KATNBL1: variants seen among roughly 807,000 people sequenced by gnomAD.
The protein encoded by KATNBL1 is katanin regulatory subunit B1 like 1.
KATNBL1 carries 28 observed loss-of-function variants against 44.7 expected under a neutral mutation model. The ratio of observed to expected loss-of-function variants is 0.63; its 90% CI spans 0.46 to 0.86. The LOEUF (loss-of-function observed/expected upper bound fraction) is 0.86. Among genes scored for constraint, KATNBL1 ranks in the 40% least tolerant of loss-of-function variants. KATNBL1 has a pLI of 0.00. For synonymous variants in KATNBL1, 78 were observed against 114.9 expected (o/e 0.68, Z 2.06); for missense variants, 272 against 350.7 (o/e 0.78, Z 1.79).
At chr15:34,193,868 A>G (rs1345244951) in intron 1 of KATNBL1, among the ~76,000 whole-genome samples, 2 of 132,218 alleles carry the variant, frequency 1.5e-5, no homozygotes, top group Non-Finnish European at 1.8e-5. Flanking sequence ...AAAAAAAAAA[A>G]AAAAAAAAAA....
At chr15:34,180,560 G>C (rs1034516876) in intron 1 of KATNBL1, among the ~76,000 whole-genome samples, 2 of 152,106 alleles carry the variant, frequency 1.3e-5, no homozygotes, top group Non-Finnish European at 2.9e-5. Context: ...TCTCGACCCA[G>C]GTCTTCTTTA....
intron 1 of KATNBL1, among the ~76,000 whole-genome samples, chr15:34,186,112 C>T (rs1032954532): frequency 2.6e-5 from 4 of 152,140 alleles, no homozygotes; most frequent in East Asian, 1.9e-4. Context: ...ATTAGTCCCT[C>T]GATCATGGGG....
At chr15:34,160,577 T>TA (rs1567522094) in intron 2 of KATNBL1, among the ~76,000 whole-genome samples, 1 of 152,242 alleles carries the variant, frequency 6.6e-6, no homozygotes, top group Non-Finnish European at 1.5e-5. Flanking sequence ...AAAGCTTTTG[T>TA]AATGTTTTGG....
chr15:34,166,188 G>T, intron 1 of KATNBL1: 1 of 152,402 alleles, frequency 6.6e-6, no homozygotes. Flanking sequence ...CTAGCCAAGG[G>T]AATACATGAC....
At chr15:34,155,099 T>G (rs1037164706) in intron 2 of KATNBL1, among the ~76,000 whole-genome samples, 29 of 152,194 alleles carry the variant, frequency 1.9e-4, no homozygotes, top group African/African-American at 7.0e-4. Context: ...GGGGGTTGTT[T>G]ACTGAAACTA....
In KATNBL1 at chr15:34,152,827, T is replaced by C. The variant is rs1391718744; in HGVS notation, c.401A>G (p.Glu134Gly). ...CCCACTATATTTTGATGATGGGCTTTCTGTCTGTGAAGAACCAGAATCACT... is the reference window on the plus strand; with the variant it reads ...CCCACTATATTTTGATGATGGGCTTCCTGTCTGTGAAGAACCAGAATCACT... ...NSSDSGSSQT[E>G]SPSSKYSGFF... The change falls in exon 4 of 10, where the codon GAA becomes GGA. Residue 134 changes from glutamate to glycine, a missense_variant. By Grantham distance (98) the Glu-to-Gly change is moderately conservative. Coordinates refer to ENST00000256544, the MANE Select transcript of KATNBL1 (RefSeq NM_024713.3). The C allele has an allele frequency of 1.9e-6, 3 of 1,613,570 alleles. No homozygotes were observed. Among genetic ancestry groups the C allele is most frequent in the Non-Finnish European group, 2.5e-6 (3 of 1,179,664 alleles).
At chr15:34,158,094 C>G (rs1462269369) in intron 2 of KATNBL1, among the ~76,000 whole-genome samples, 1 of 152,146 alleles carries the variant, frequency 6.6e-6, no homozygotes, top group Non-Finnish European at 1.5e-5. Flanking sequence ...ATACCTTCCC[C>G]TAAGAGGTGG....
chr15:34,169,108 T>C (rs753713201), intron 1 of KATNBL1, among the ~76,000 whole-genome samples: 12 of 151,816 alleles, frequency 7.9e-5, no homozygotes, highest in Middle Eastern at 3.2e-3. Flanking sequence ...CTGAAGGAGA[T>C]AGAGACACAA....
chr15:34,194,058 T>C (rs2140990847), intron 1 of KATNBL1, among the ~76,000 whole-genome samples: 1 of 152,126 alleles, frequency 6.6e-6, no homozygotes, highest in East Asian at 1.9e-4. Flanking sequence ...TCTTCTGCCT[T>C]GGCCTCCCGA....
intron 1 of KATNBL1, chr15:34,166,020 A>T (rs1310108904): frequency 2.6e-5 from 4 of 152,478 alleles, no homozygotes; most frequent in Non-Finnish European, 5.9e-5. Flanking sequence ...AGGGTGATCA[A>T]CACAGAAGAC....
intron 1 of KATNBL1, among the ~76,000 whole-genome samples, chr15:34,178,355 T>C (rs923235855): frequency 1.3e-5 from 2 of 152,178 alleles, no homozygotes; most frequent in African/African-American, 2.4e-5. Flanking sequence ...TTTTCCTCTC[T>C]TTTCTAAGGC....
chr15:34,178,636 G>T (rs963741842), intron 1 of KATNBL1, among the ~76,000 whole-genome samples: 1 of 151,540 alleles, frequency 6.6e-6, no homozygotes, highest in Non-Finnish European at 1.5e-5. Context: ...GGCACTTGTA[G>T]TCCCAGCTAC....
At chr15:34,168,588 C>T (rs1039843860) in intron 1 of KATNBL1, among the ~76,000 whole-genome samples, 21 of 152,318 alleles carry the variant, frequency 1.4e-4, no homozygotes, top group Middle Eastern at 3.4e-3. Flanking sequence ...ACCAAGCTGA[C>T]CTAACAGACA....
At chr15:34,186,951 G>A (rs931062828) in intron 1 of KATNBL1, among the ~76,000 whole-genome samples, 4 of 152,346 alleles carry the variant, frequency 2.6e-5, no homozygotes, top group African/African-American at 9.6e-5. Context: ...ACCCATGACA[G>A]CCCATGGATC....
chr15:34,190,820 T>G (rs1384212705), intron 1 of KATNBL1, among the ~76,000 whole-genome samples: 1 of 152,202 alleles, frequency 6.6e-6, no homozygotes, highest in African/African-American at 2.4e-5. Flanking sequence ...AAGCTTCAAC[T>G]GCCTGTTACC....
At chr15:34,161,063 C>A in intron 2 of KATNBL1, among the ~76,000 whole-genome samples, 1 of 152,180 alleles carries the variant, frequency 6.6e-6, no homozygotes, top group East Asian at 1.9e-4. Context: ...TACAGGAGGG[C>A]TGCCCTAAGC....
intron 9 of KATNBL1, 80 bp from the exon 10 acceptor site, chr15:34,142,451 C>G (rs1486470009): frequency 7.0e-7 from 1 of 1,433,330 alleles, no homozygotes; most frequent in Non-Finnish European, 9.3e-7. Context: ...TTTGTTGTTG[C>G]TTAATTTGCC....
intron 1 of KATNBL1, among the ~76,000 whole-genome samples, chr15:34,193,625 T>C (rs1448692894): frequency 2.0e-5 from 3 of 151,906 alleles, no homozygotes; most frequent in African/African-American, 7.3e-5. Context: ...ACAAATGCAG[T>C]TGGGTCGCTT....
chr15:34,174,771 G>A (rs1164116763), intron 1 of KATNBL1, among the ~76,000 whole-genome samples: 3 of 151,742 alleles, frequency 2.0e-5, no homozygotes, highest in Non-Finnish European at 4.4e-5. Context: ...TCTCCTGCCT[G>A]GATGGGACTA....
Sources: allele counts gnomAD v4.1 joint callset (sites outside exome capture counted in the v4.1 genomes callset), GRCh38; gene constraint gnomAD v4.1.1; transcripts MANE v1.5; gene names NCBI Gene and HGNC (gene_info 2026-07-23, HGNC 2026-07-21).